The following PIP5K1C variants were observed in gnomAD, a reference collection of about 807,000 sequenced individuals.
PIP5K1C encodes the protein phosphatidylinositol-4-phosphate 5-kinase type 1 gamma, also known as phosphatidylinositol 4-phosphate 5-kinase type-1 gamma.
Under a neutral mutation model 80.1 loss-of-function variants are expected in PIP5K1C, and 45 were observed. That is an observed-to-expected ratio of 0.56 (90% confidence interval 0.44 to 0.72). The LOEUF (loss-of-function observed/expected upper bound fraction) is 0.72, where lower values mean the gene tolerates loss of function less well. PIP5K1C is among the 30% of genes least tolerant of loss of function. The probability of loss-of-function intolerance (pLI) is 0.00; values close to 1 mark genes in which losing one functional copy is unlikely to be tolerated. For missense variants in PIP5K1C, 753 were observed against 954.6 expected (o/e 0.79, Z 2.78); for synonymous variants, 498 against 420.1 (o/e 1.19, Z -2.27).
rs1166221702 is a variant in PIP5K1C, at chr19:3,688,839, C to T, written c.94+11458G>A. On this transcript the variant is annotated intron_variant, in intron 1 of 17. Coordinates refer to ENST00000335312, the MANE Select transcript of PIP5K1C (RefSeq NM_012398.3). This position sits in a 1 kb window ranked among gnomAD's most constrained non-coding sequence, Gnocchi z 5.3. Reference sequence around the variant, plus strand: ...ACCCACGTCGCCATGGCCCCCCACCCCGTTTTTGAGCCCCCACACAGCCGA... The same window carrying T: ...ACCCACGTCGCCATGGCCCCCCACCTCGTTTTTGAGCCCCCACACAGCCGA... Among the ~76,000 whole-genome samples the T allele has an allele frequency of 6.6e-6, 1 of 152,130 alleles. No homozygotes were observed. Among genetic ancestry groups the T allele is most frequent in the African/African-American group, 2.4e-5 (1 of 41,428 alleles).
intron 1 of PIP5K1C, among the ~76,000 whole-genome samples, chr19:3,671,377 C>A (rs572581817): frequency 1.5e-4 from 23 of 152,374 alleles, no homozygotes; most frequent in Admixed American, 3.3e-4. Context: ...CCTCACCAGG[C>A]ACCTCGGGGT....
chr19:3,658,616 C>T (rs1349132308), intron 5 of PIP5K1C, among the ~76,000 whole-genome samples: 2 of 152,228 alleles, frequency 1.3e-5, no homozygotes, highest in Admixed American at 6.5e-5. Flanking sequence ...GGCCGCTGTC[C>T]TCAGGTCACC....
chr19:3,698,986 T>C (rs8101192), intron 1 of PIP5K1C, among the ~76,000 whole-genome samples: 61,234 of 134,432 alleles, frequency 0.46, 15,619 homozygotes, highest in African/African-American at 0.73. Flanking sequence ...CCATGCTCAG[T>C]CTGGAGCTGG....
chr19:3,656,069 C>T (rs12983396), intron 6 of PIP5K1C, among the ~76,000 whole-genome samples: 83,957 of 152,058 alleles, frequency 0.55, 23,442 homozygotes, highest in East Asian at 0.7. Context: ...AGCTGACAGA[C>T]GCTGCCCGCA....
chr19:3,677,147 A>G (rs1434555671), intron 1 of PIP5K1C, among the ~76,000 whole-genome samples: 1 of 152,102 alleles, frequency 6.6e-6, no homozygotes, highest in Non-Finnish European at 1.5e-5. Context: ...AAGAAGTATA[A>G]AGCAAAAAGT....
Position 3,661,008 on chromosome 19 carries a change from G to A in PIP5K1C, c.426C>T (p.Arg142=). 4 of 1,614,072 alleles carry A rather than the reference G, an allele frequency of 2.5e-6. No individual in the cohort carries two copies. In the South Asian group the frequency reaches 3.3e-5, roughly 13 times the overall value. Residue 142 remains arginine (R), a synonymous_variant, in exon 5 of 18, where the codon CGC becomes CGT. Transcript: ENST00000335312. ...RFKTYAPVAF[R]YFRELFGIRP... ...GGATCCCAAAGAGCTCCCGGAAGTA[G>A]CGGAAGGCGACAGGTGCATAGGTCT...
At chr19:3,636,396 T>G (rs2033687730) in intron 16 of PIP5K1C, 1 of 985,288 alleles carries the variant, frequency 1.0e-6, no homozygotes, top group African/African-American at 1.7e-5. Flanking sequence ...GCCCCCACAC[T>G]TCCGCTTCTG....
At chr19:3,668,675 C>G (rs541812231) in intron 1 of PIP5K1C, among the ~76,000 whole-genome samples, 122 of 152,276 alleles carry the variant, frequency 8.0e-4, no homozygotes, top group African/African-American at 2.9e-3. Context: ...CCATGCAGGC[C>G]TGGGGAAGAC....
intron 1 of PIP5K1C, among the ~76,000 whole-genome samples, chr19:3,694,724 G>A (rs927962385): frequency 3.9e-5 from 6 of 152,156 alleles, no homozygotes; most frequent in African/African-American, 9.7e-5. Context: ...GCCTCGGCGC[G>A]ACTATTCCGC....
At chr19:3,690,594 C>T (rs1369414780) in intron 1 of PIP5K1C, among the ~76,000 whole-genome samples, 1 of 151,922 alleles carries the variant, frequency 6.6e-6, no homozygotes, top group East Asian at 1.9e-4. Flanking sequence ...TTCATGACAC[C>T]AAACTAGGAA....
At chr19:3,666,354 C>G (rs2145504518) in intron 2 of PIP5K1C, among the ~76,000 whole-genome samples, 1 of 152,340 alleles carries the variant, frequency 6.6e-6, no homozygotes, top group Admixed American at 6.5e-5. Context: ...AAGAAGGCCA[C>G]TCGGCGCCAC....
chr19:3,674,035 G>GA (rs2035287484), intron 1 of PIP5K1C: 1 of 152,242 alleles, frequency 6.6e-6, no homozygotes, highest in African/African-American at 2.4e-5. Flanking sequence ...TGGGCGTGAG[G>GA]AAGGCTGGCA....
At chr19:3,671,684 C>T (rs985192789) in intron 1 of PIP5K1C, among the ~76,000 whole-genome samples, 33 of 152,146 alleles carry the variant, frequency 2.2e-4, no homozygotes, top group African/African-American at 7.7e-4. Flanking sequence ...AGACCAGAGC[C>T]GAGTGTCCTG....
At position 3,696,128 on chromosome 19, in the gene PIP5K1C, C is replaced by T. The variant is rs2036094677; in HGVS notation, c.94+4169G>A. On this transcript the variant is annotated intron_variant, in intron 1 of 17. Coordinates refer to ENST00000335312, the MANE Select transcript of PIP5K1C (RefSeq NM_012398.3). The surrounding 1 kb of genome is among the most constrained non-coding windows in gnomAD (Gnocchi z 4.1). The stretch of plus-strand genomic sequence containing the variant: ...CGCCCTGTGACCACACTACACTGTG[C>T]TCCAGGCAGGCGGGGCCTCTGCTGG... Among the ~76,000 whole-genome samples, 1 of 152,216 alleles carries T rather than the reference C, an allele frequency of 6.6e-6. No homozygotes were observed. Among genetic ancestry groups the T allele is most frequent in the Non-Finnish European group, 1.5e-5 (1 of 68,034 alleles).
chr19:3,638,522 G>A (rs1011941358), intron 16 of PIP5K1C, among the ~76,000 whole-genome samples: 11 of 152,252 alleles, frequency 7.2e-5, no homozygotes, highest in African/African-American at 2.7e-4. Context: ...GGCCTCCCGA[G>A]GGGCCAAGAG....
chr19:3,636,240 C>G (rs1008405150), intron 16 of PIP5K1C: 35 of 292,114 alleles, frequency 1.2e-4, no homozygotes, highest in Admixed American at 2.6e-4. Context: ...CACCCTCAGC[C>G]AGCAGCTGGG....
intron 15 of PIP5K1C, among the ~76,000 whole-genome samples, chr19:3,640,295 C>G (rs996978524): frequency 1.1e-4 from 16 of 152,172 alleles, no homozygotes; most frequent in African/African-American, 1.7e-4. Flanking sequence ...GGGAGGATCA[C>G]CTGAGGTCAG....
Position 3,648,602 on chromosome 19 carries a change from G to A in PIP5K1C, c.1211+23C>T, listed in dbSNP as rs377393922. ...TGCAGACCCGGGGCGTCCACCTGTAGGACTGCAGACCCGGGCACCCACCTG... is the reference window on the plus strand; with the variant it reads ...TGCAGACCCGGGGCGTCCACCTGTAAGACTGCAGACCCGGGCACCCACCTG... On this transcript the variant is annotated intron_variant, in intron 9 of 17. Coordinates refer to ENST00000335312, the MANE Select transcript of PIP5K1C (RefSeq NM_012398.3). The surrounding 1 kb of genome is among the most constrained non-coding windows in gnomAD (Gnocchi z 4.3). 2.9e-4 allele frequency: 458 copies of A among 1,604,442 alleles called. 2 individuals carry two copies. The highest frequency in any genetic ancestry group is 3.8e-4 in the Non-Finnish European group (451 of 1,173,016).
chr19:3,695,825 G>A (rs2036085247), intron 1 of PIP5K1C, among the ~76,000 whole-genome samples: 1 of 151,842 alleles, frequency 6.6e-6, no homozygotes, highest in Non-Finnish European at 1.5e-5. Context: ...CCAGGCTCAG[G>A]TGATCCTCCT....
Sources: allele counts gnomAD v4.1 joint callset (sites outside exome capture counted in the v4.1 genomes callset), GRCh38; gene constraint gnomAD v4.1.1; non-coding constraint Gnocchi (gnomAD v3.1); transcripts MANE v1.5; gene names NCBI Gene and HGNC (gene_info 2026-07-23, HGNC 2026-07-21).